Variants in NTRK2 observed in about 807,000 individuals in gnomAD.
The protein encoded by NTRK2 is BDNF/NT-3 growth factors receptor.
Under a neutral mutation model 94.5 loss-of-function variants are expected in NTRK2, and 13 were observed. The observed-to-expected ratio is 0.14, with a 90% CI of 0.09 to 0.22. The LOEUF is 0.22. Among genes scored for constraint, NTRK2 ranks in the 10% least tolerant of loss-of-function variants. The probability of loss-of-function intolerance (pLI) is 1.00; values close to 1 mark genes in which losing one functional copy is unlikely to be tolerated. For synonymous variants in NTRK2, 372 were observed against 407.4 expected (o/e 0.91, Z 1.05); for missense variants, 639 against 1,071.2 (o/e 0.60, Z 5.63).
intron 12 of NTRK2, among the ~76,000 whole-genome samples, chr9:84,767,432 A>C (rs2066143129): frequency 6.6e-6 from 1 of 152,228 alleles, no homozygotes; most frequent in Non-Finnish European, 1.5e-5. Context: ...ATTTGCAGAG[A>C]GAAAAGAGCA....
chr9:85,024,362 G>C lies in NTRK2; in HGVS notation c.*2925G>C, dbSNP rs1490330166. ...CATCAAATTTGTGAAAACTACAACAGTATAACAGTGACAAACCTAATTCTC... is the reference window on the plus strand; with the variant it reads ...CATCAAATTTGTGAAAACTACAACACTATAACAGTGACAAACCTAATTCTC... On this transcript the variant is annotated 3_prime_UTR_variant, in exon 19 of 19. Coordinates refer to ENST00000277120, the MANE Select transcript of NTRK2 (RefSeq NM_006180.6). 2 of 232,976 alleles carry C rather than the reference G, an allele frequency of 8.6e-6. No homozygotes were observed. The highest frequency in any genetic ancestry group is 1.2e-4 in the East Asian group (2 of 16,548). The allele number at this position is 232,976 out of a possible 1,614,324, so 14.4% of individuals were successfully genotyped here.
intron 13 of NTRK2, 26 bp from the exon 14 acceptor site, chr9:84,867,217 G>T (rs2132055509): frequency 6.2e-7 from 1 of 1,608,938 alleles, no homozygotes; most frequent in South Asian, 1.1e-5. Flanking sequence ...GATTACAGGA[G>T]AATATATATA....
Position 84,741,883 on chromosome 9 carries a change from G to A in NTRK2, c.1160-9G>A, listed in dbSNP as rs201490399. Reference sequence around the variant, plus strand: ...TACTTACAAATCTTTGCTCTGTTTTGCCTTTTAGGTGCAAACCCAAATTAT... The same window carrying A: ...TACTTACAAATCTTTGCTCTGTTTTACCTTTTAGGTGCAAACCCAAATTAT... On this transcript the variant is annotated splice_polypyrimidine_tract_variant and intron_variant, in intron 9 of 18. Transcript: ENST00000277120. 4.3e-4 allele frequency: 697 copies of A among 1,611,892 alleles called. 12 individuals are homozygous for A. In the South Asian group the frequency reaches 7.2e-3, roughly 17 times the overall value.
rs373406586 is a variant in NTRK2 at position 85,023,914 on chromosome 9, G to C, written c.*2477G>C. 4.3e-6 allele frequency: 1 copy of C among 229,970 alleles called. No homozygotes were observed. 14.2% of individuals were successfully genotyped at this position (229,970 alleles called of 1,614,324 possible). A position where few individuals can be genotyped will look rare whatever the true frequency, so the allele number is the denominator to read the frequency against. The stretch of plus-strand genomic sequence containing the variant: ...AATTTAAGGGATCAAATTCAAGGAG[G>C]AATGTGCAATTTTAGAGCAAAGATT... On this transcript the variant is annotated 3_prime_UTR_variant, in exon 19 of 19. Transcript: ENST00000277120.
chr9:84,932,849 T>TG (rs2078085681), intron 14 of NTRK2, among the ~76,000 whole-genome samples: 1 of 152,214 alleles, frequency 6.6e-6, no homozygotes. Context: ...AGAGGAAGCC[T>TG]GGCAATTGTT....
chr9:84,866,823 A>G (rs1422973728), intron 13 of NTRK2, among the ~76,000 whole-genome samples: 4 of 152,254 alleles, frequency 2.6e-5, no homozygotes, highest in Admixed American at 6.5e-5. Flanking sequence ...AATGTCCACC[A>G]ACAGATGAAT....
At chr9:84,902,353 T>A (rs1044678435) in intron 14 of NTRK2, among the ~76,000 whole-genome samples, 5 of 152,110 alleles carry the variant, frequency 3.3e-5, no homozygotes, top group African/African-American at 1.2e-4. Context: ...AGAGTCCCCA[T>A]GCATGCTGTA....
chr9:84,771,070 G>C (rs1488904765), intron 12 of NTRK2, among the ~76,000 whole-genome samples: 1 of 152,200 alleles, frequency 6.6e-6, no homozygotes, highest in East Asian at 1.9e-4. Flanking sequence ...CCCAGAATGG[G>C]AGTGATTGAA....
At chr9:84,714,541 T>A (rs2061597654) in intron 6 of NTRK2, among the ~76,000 whole-genome samples, 1 of 152,222 alleles carries the variant, frequency 6.6e-6, no homozygotes, top group Non-Finnish European at 1.5e-5. Context: ...GGCTTAGTCA[T>A]GTATTAATTT....
At chr9:84,863,162 C>T (rs1425534329) in intron 13 of NTRK2, among the ~76,000 whole-genome samples, 1 of 152,088 alleles carries the variant, frequency 6.6e-6, no homozygotes, top group Non-Finnish European at 1.5e-5. Context: ...GAGTACTAAC[C>T]CTTCCCCTCA....
chr9:84,930,078 A>G (rs2077969502), intron 14 of NTRK2, among the ~76,000 whole-genome samples: 1 of 152,254 alleles, frequency 6.6e-6, no homozygotes, highest in South Asian at 2.1e-4. Context: ...AGAGCCCTTC[A>G]AGATACTGAT....
In NTRK2 at chr9:84,849,271, T is replaced by G. The variant is rs184136018; in HGVS notation, c.1397-11769T>G. On this transcript the variant is annotated intron_variant, in intron 12 of 18. Transcript: ENST00000277120. ...GCCTTCTAAACACCAGGCTTCATAG[T>G]TCACTGTGGCAGGATGAAGAGGAAG... Among the ~76,000 whole-genome samples, 259 of 152,312 alleles carry G rather than the reference T, an allele frequency of 1.7e-3. 3 individuals carry two copies. Among genetic ancestry groups the G allele is most frequent in the Non-Finnish European group, 3.0e-3 (201 of 68,020 alleles).
chr9:84,802,295 G>A (rs913771940), intron 12 of NTRK2, among the ~76,000 whole-genome samples: 13 of 152,162 alleles, frequency 8.5e-5, no homozygotes, highest in African/African-American at 2.9e-4. Flanking sequence ...AATAAACTGC[G>A]AAATCTGGTG....
At position 84,812,115 on chromosome 9, in the gene NTRK2, A is replaced by C. The variant is rs1056593398; in HGVS notation, c.1397-48925A>C. The C allele has an allele frequency of 2.8e-6, 3 of 1,059,576 alleles. No individual in the cohort carries two copies. The African/African-American group carries it at 4.9e-5, about 17-fold the overall frequency. 65.6% of individuals were successfully genotyped at this position (1,059,576 alleles called of 1,614,324 possible). A position where few individuals can be genotyped will look rare whatever the true frequency, so the allele number is the denominator to read the frequency against. ...GCAATTTAGCTTTAAGGTTCTATAG[A>C]TTTTTAACTAGTCCAACACAGTCAG... On this transcript the variant is annotated intron_variant, in intron 12 of 18. Coordinates refer to ENST00000277120, the MANE Select transcript of NTRK2 (RefSeq NM_006180.6).
intron 17 of NTRK2, among the ~76,000 whole-genome samples, chr9:84,990,762 C>T (rs984563706): frequency 1.3e-5 from 2 of 152,094 alleles, no homozygotes; most frequent in South Asian, 2.1e-4. Context: ...GGGCACATGA[C>T]GCAAGAAGCA....
At chr9:84,733,496 T>C (rs2063034695) in intron 9 of NTRK2, among the ~76,000 whole-genome samples, 1 of 152,194 alleles carries the variant, frequency 6.6e-6, no homozygotes, top group African/African-American at 2.4e-5. Flanking sequence ...CAGCGAGTTG[T>C]AACACTTGAG....
intron 16 of NTRK2, among the ~76,000 whole-genome samples, chr9:84,954,763 G>A (rs957010572): frequency 2.4e-4 from 36 of 152,338 alleles, no homozygotes; most frequent in African/African-American, 8.7e-4. Flanking sequence ...GGTGCTGGTG[G>A]GGACACTCTG....
At chr9:84,930,770 T>C (rs1487841822) in intron 14 of NTRK2, among the ~76,000 whole-genome samples, 1 of 152,128 alleles carries the variant, frequency 6.6e-6, no homozygotes, top group Non-Finnish European at 1.5e-5. Context: ...TCCTGTGGTG[T>C]TGTAGGGAAA....
chr9:85,023,075 G>A lies in NTRK2; in HGVS notation c.*1638G>A, dbSNP rs200153073. On this transcript the variant is annotated 3_prime_UTR_variant, in exon 19 of 19. Coordinates refer to ENST00000277120, the MANE Select transcript of NTRK2 (RefSeq NM_006180.6). ...ACAAAATTTGGCACAGCATGCCAAC[G>A]GGAGGCTGTGCCCAGACCAAGCACT... The A allele has an allele frequency of 4.3e-6, 1 of 233,038 alleles. No homozygotes were observed. The highest frequency in any genetic ancestry group is 8.5e-6 in the Non-Finnish European group (1 of 117,878). The allele number at this position is 233,038 out of a possible 1,614,324, so 14.4% of individuals were successfully genotyped here.
Sources: gnomAD v4.1 joint callset for allele counts (sites outside exome capture counted in the v4.1 genomes callset) on GRCh38, gnomAD v4.1.1 for gene constraint, MANE v1.5 for transcripts, NCBI Gene and HGNC (gene_info 2026-07-23, HGNC 2026-07-21) for gene names.